Variants in SPINK5 observed in about 807,000 individuals in gnomAD.
SPINK5 encodes the protein serine peptidase inhibitor Kazal type 5.
A neutral mutation model predicts 151.8 loss-of-function variants in SPINK5; 125 were observed. That is an observed-to-expected ratio of 0.82 (90% CI 0.71 to 0.96). SPINK5 has a LOEUF of 0.96. Ranked by LOEUF, SPINK5 falls within the 40% of genes least tolerant of loss-of-function variation. The probability of loss-of-function intolerance (pLI) is 0.00; values close to 1 mark genes in which losing one functional copy is unlikely to be tolerated. For synonymous variants in SPINK5, 374 were observed against 395.3 expected (o/e 0.95, Z 0.64); for missense variants, 1,194 against 1,291.9 (o/e 0.92, Z 1.16).
intron 17 of SPINK5, among the ~76,000 whole-genome samples, chr5:148,107,939 G>A (rs1753823753): frequency 6.6e-6 from 1 of 152,152 alleles, no homozygotes; most frequent in African/African-American, 2.4e-5. Context: ...AATACCTGCT[G>A]AGGTGCAAAG....
chr5:148,100,934 C>T (rs1753625309), intron 13 of SPINK5, among the ~76,000 whole-genome samples: 1 of 152,096 alleles, frequency 6.6e-6, no homozygotes, highest in African/African-American at 2.4e-5. Flanking sequence ...GGAAGAACTT[C>T]CTAACAGTTT....
At chr5:148,093,593 G>T (rs1753371376) in intron 8 of SPINK5, among the ~76,000 whole-genome samples, 1 of 151,488 alleles carries the variant, frequency 6.6e-6, no homozygotes, top group African/African-American at 2.4e-5. Context: ...AACTTAGCTG[G>T]ATTATTCTTG....
intron 15 of SPINK5, among the ~76,000 whole-genome samples, chr5:148,102,595 C>T (rs984013177): frequency 6.6e-6 from 1 of 151,962 alleles, no homozygotes; most frequent in Middle Eastern, 3.2e-3. Context: ...GAATCATTCA[C>T]CCAGAGAAGA....
intron 15 of SPINK5, among the ~76,000 whole-genome samples, chr5:148,103,561 C>G (rs12657808): frequency 0.11 from 16,303 of 152,074 alleles, 1,134 homozygotes; most frequent in East Asian, 0.32. Flanking sequence ...TCAACTTAGA[C>G]TCGTGATAAA....
In SPINK5 at chr5:148,112,898, T is replaced by C. The variant is rs17718737; in HGVS notation, c.1851T>C (p.Ala617=). 63,774 of 1,613,784 alleles carry C rather than the reference T, an allele frequency of 0.04. 1,782 individuals are homozygous for C. The highest frequency in any genetic ancestry group is 0.15 in the East Asian group (6,869 of 44,834). The part of the protein sequence containing the change: ...FQQEAKEKER[A]EPRAKVKREA... ...AAGAAGCAAAAGAAAAAGAAAGAGC[T>C]GAACCCAGAGCAAAAGTCAAAAGAG... The change falls in exon 20 of 33, where the codon GCT becomes GCC. Residue 617 remains alanine, a synonymous_variant. Coordinates refer to ENST00000256084, the MANE Select transcript of SPINK5 (RefSeq NM_006846.4).
chr5:148,102,714 T>C (rs1753681560), intron 15 of SPINK5, among the ~76,000 whole-genome samples: 1 of 152,092 alleles, frequency 6.6e-6, no homozygotes, highest in African/African-American at 2.4e-5. Flanking sequence ...GCATGGAAAA[T>C]TTATGGGATT....
intron 26 of SPINK5, among the ~76,000 whole-genome samples, chr5:148,123,384 T>TTATATA (rs72219001): frequency 1.1e-3 from 139 of 129,732 alleles, no homozygotes; most frequent in African/African-American, 4.0e-3. Flanking sequence ...CATAACAAGA[T>TTATATA]TATATATATA....
chr5:148,064,127 T>A, intron 1 of SPINK5, 28 bp downstream of exon 1: 2 of 1,613,828 alleles, frequency 1.2e-6, no homozygotes, highest in Non-Finnish European at 1.7e-6. Flanking sequence ...AATCTAAGCC[T>A]CTTGCCACAC....
rs1460416567 is a variant in SPINK5, at chr5:148,089,482, C to T, written c.475-12C>T. The T allele has an allele frequency of 2.5e-6, 4 of 1,611,292 alleles. No individual in the cohort carries two copies. Among genetic ancestry groups the T allele is most frequent in the Non-Finnish European group, 3.4e-6 (4 of 1,178,292 alleles). Reference sequence around the variant, plus strand: ...TCTTGGTAAGTTTCAAGTTCTTTTCCCTGTTCTTCAGGATGTATGCAGTGC... The same window carrying T: ...TCTTGGTAAGTTTCAAGTTCTTTTCTCTGTTCTTCAGGATGTATGCAGTGC... On this transcript the variant is annotated splice_polypyrimidine_tract_variant and intron_variant, in intron 6 of 32. Coordinates refer to ENST00000256084, the MANE Select transcript of SPINK5 (RefSeq NM_006846.4).
chr5:148,112,127 G>A (rs1260694345), intron 19 of SPINK5, among the ~76,000 whole-genome samples: 2 of 152,196 alleles, frequency 1.3e-5, no homozygotes, highest in African/African-American at 2.4e-5. Flanking sequence ...CATGTGCTAA[G>A]AGCAAAATTA....
chr5:148,114,567 T>G, intron 21 of SPINK5, 78 bp downstream of exon 21: 1 of 1,592,978 alleles, frequency 6.3e-7, no homozygotes, highest in Non-Finnish European at 8.6e-7. Context: ...ATATGTATTG[T>G]GTTTGTCCTT....
rs2287772 is a variant in SPINK5 at position 148,065,222 on chromosome 5, A to G, written c.56-125A>G. The G allele has an allele frequency of 0.61, 600,107 of 983,056 alleles. 186,667 individuals carry two copies. The highest frequency in any genetic ancestry group is 0.78 in the South Asian group (54,890 of 70,380). The allele number at this position is 983,056 out of a possible 1,614,324, so 60.9% of individuals were successfully genotyped here. On this transcript the variant is annotated intron_variant, in intron 1 of 32. Transcript: ENST00000256084. ...ATGATAAATCTTAATGTGTTCAAAA[A>G]CCATTTGCGGTTTTACAACATATTG...
chr5:148,089,433 A>G, intron 6 of SPINK5, 61 bp from the exon 7 acceptor site: 1 of 1,609,980 alleles, frequency 6.2e-7, no homozygotes, highest in Non-Finnish European at 8.5e-7. Context: ...AAAATTTCTG[A>G]AAACAGTGTT....
intron 19 of SPINK5, among the ~76,000 whole-genome samples, chr5:148,112,546 G>A (rs757108335): frequency 1.2e-4 from 18 of 151,980 alleles, no homozygotes; most frequent in Non-Finnish European, 2.4e-4. Flanking sequence ...GGTGGTGCAC[G>A]CATGTAGTCC....
intron 26 of SPINK5, among the ~76,000 whole-genome samples, chr5:148,121,426 G>A (rs1222730928): frequency 2.0e-5 from 3 of 151,918 alleles, no homozygotes; most frequent in Non-Finnish European, 4.4e-5. Flanking sequence ...TAAAGAAAAT[G>A]AAACCTTATT....
Position 148,070,443 on chromosome 5 carries a change from A to G in SPINK5, c.202A>G (p.Met68Val). ...MFINKCATCK[M>V]ILEKEAKSQK... is the part of the protein sequence containing the mutation. ...CATCAATAAATGTGCCACGTGCAAA[A>G]TGATACTGTGAGTAAAGGTTTCTTT... is the stretch of plus-strand genomic sequence containing the variant. Residue 68 changes from methionine to valine, a missense_variant, in exon 3 of 33, where the codon ATG becomes GTG. Transcript: ENST00000256084. 2 of 1,612,464 alleles carry G rather than the reference A, an allele frequency of 1.2e-6. No individual in the cohort carries two copies. Among genetic ancestry groups the G allele is most frequent in the Non-Finnish European group, 1.7e-6 (2 of 1,178,962 alleles).
intron 18 of SPINK5, 146 bp downstream of exon 18, chr5:148,108,983 C>T (rs1373231239): frequency 2.2e-6 from 3 of 1,360,590 alleles, no homozygotes; most frequent in East Asian, 4.8e-5. Context: ...TACAAGAGTA[C>T]TCCCCTTTCC....
rs1245353169 is a variant in SPINK5 at position 148,091,359 on chromosome 5, A to G, written c.666+131A>G. ...TATAGATATTTTTCTTAATATCAAA[A>G]TTCCCCAAATTGACTATTCCTAGAA... On this transcript the variant is annotated intron_variant, in intron 8 of 32. Coordinates refer to ENST00000256084, the MANE Select transcript of SPINK5 (RefSeq NM_006846.4). 4.0e-6 allele frequency: 3 copies of G among 756,324 alleles called. No individual in the cohort carries two copies. In the African/African-American group the frequency reaches 5.4e-5, roughly 13 times the overall value. 46.9% of individuals were successfully genotyped at this position (756,324 alleles called of 1,614,324 possible). A position where few individuals can be genotyped will look rare whatever the true frequency, so the allele number is the denominator to read the frequency against.
chr5:148,125,906 A>G, intron 29 of SPINK5, 56 bp downstream of exon 29: 5 of 1,612,398 alleles, frequency 3.1e-6, no homozygotes, highest in Non-Finnish European at 3.4e-6. Flanking sequence ...CATTTTTAGA[A>G]ACTGCTGCTT....
Sources: allele counts gnomAD v4.1 joint callset (sites outside exome capture counted in the v4.1 genomes callset), GRCh38; gene constraint gnomAD v4.1.1; transcripts MANE v1.5; gene names NCBI Gene and HGNC (gene_info 2026-07-23, HGNC 2026-07-21).